The following ANK3 variants were observed in gnomAD, a reference collection of about 807,000 sequenced individuals.
ANK3 encodes ankyrin-3.
Under a neutral mutation model 370.9 loss-of-function variants are expected in ANK3, and 57 were observed. The ratio of observed to expected loss-of-function variants is 0.15; its 90% CI spans 0.12 to 0.19. The LOEUF (loss-of-function observed/expected upper bound fraction) is 0.19, where lower values mean the gene tolerates loss of function less well. ANK3 is among the 10% of genes least tolerant of loss of function. The pLI is 1.00. For missense variants in ANK3, 4,439 were observed against 5,302.1 expected (o/e 0.84, Z 5.06); for synonymous variants, 1,929 against 1,946.3 (o/e 0.99, Z 0.23).
At chr10:60,237,113 G>A (rs908023902) in intron 7 of ANK3, among the ~76,000 whole-genome samples, 2 of 152,234 alleles carry the variant, frequency 1.3e-5, no homozygotes, top group Non-Finnish European at 2.9e-5. Context: ...TATAGGCTGT[G>A]CCTTTGGGCA....
At chr10:60,259,587 G>A (rs1014213576) in intron 7 of ANK3, among the ~76,000 whole-genome samples, 1 of 152,178 alleles carries the variant, frequency 6.6e-6, no homozygotes, top group Non-Finnish European at 1.5e-5. Flanking sequence ...CACAGTCATT[G>A]TTTTAATGCA....
chr10:60,682,501 T>C (rs2079209855), intron 1 of ANK3, among the ~76,000 whole-genome samples: 1 of 152,110 alleles, frequency 6.6e-6, no homozygotes, highest in Admixed American at 6.5e-5. Context: ...TTTGTTATAA[T>C]ATTGGGTGTG....
chr10:60,314,224 C>T (rs116697678), intron 1 of ANK3, among the ~76,000 whole-genome samples: 3,630 of 152,228 alleles, frequency 0.024, 128 homozygotes, highest in African/African-American at 0.079. Context: ...TAGACAGAAA[C>T]GCATAATGCT....
chr10:60,342,257 TTTTA>T (rs1186372919), intron 1 of ANK3, among the ~76,000 whole-genome samples: 1 of 152,178 alleles, frequency 6.6e-6, no homozygotes, highest in African/African-American at 2.4e-5. Flanking sequence ...TAAAAAAAGT[TTTTA>T]TTTCAGTAGA....
At chr10:60,285,707 T>C (rs990329666) in intron 1 of ANK3, among the ~76,000 whole-genome samples, 1 of 152,144 alleles carries the variant, frequency 6.6e-6, no homozygotes, top group Non-Finnish European at 1.5e-5. Context: ...ATCCACGTAG[T>C]GCTCATCCTC....
intron 12 of ANK3, among the ~76,000 whole-genome samples, chr10:60,202,461 C>A: frequency 6.6e-6 from 1 of 152,200 alleles, no homozygotes; most frequent in Non-Finnish European, 1.5e-5. Context: ...AGTAGTAATG[C>A]ACCTGTAAGG....
chr10:60,381,155 T>C (rs2061496092), intron 1 of ANK3, among the ~76,000 whole-genome samples: 1 of 152,176 alleles, frequency 6.6e-6, no homozygotes, highest in Admixed American at 6.6e-5. Context: ...TTTTGTTCCT[T>C]CTACATAATC....
intron 2 of ANK3, among the ~76,000 whole-genome samples, chr10:60,607,509 A>G (rs1237151545): frequency 6.6e-6 from 1 of 152,216 alleles, no homozygotes; most frequent in Non-Finnish European, 1.5e-5. Context: ...TTTCCATTAA[A>G]GAGCAACATA....
At chr10:60,540,518 T>A (rs2076822251) in intron 2 of ANK3, among the ~76,000 whole-genome samples, 1 of 151,868 alleles carries the variant, frequency 6.6e-6, no homozygotes, top group South Asian at 2.1e-4. Flanking sequence ...CTGAGCTCCA[T>A]CTGGAAGCAC....
At chr10:60,280,380 TA>T (rs1256446146) in intron 1 of ANK3, among the ~76,000 whole-genome samples, 17 of 152,192 alleles carry the variant, frequency 1.1e-4, no homozygotes, top group African/African-American at 4.1e-4. Flanking sequence ...CTTAATAGTC[TA>T]ACAGATATTT....
upstream of ANK3, among the ~76,000 whole-genome samples, chr10:60,392,796 G>A (rs970101742): frequency 6.6e-6 from 1 of 152,018 alleles, no homozygotes; most frequent in Non-Finnish European, 1.5e-5. Context: ...GGGCGTGTTG[G>A]TGTGCACCTG....
In ANK3 at chr10:60,208,146, C is replaced by T; in HGVS notation, c.1084G>A (p.Asp362Asn). 6.2e-7 allele frequency: 1 copy of T among 1,614,108 alleles called. No homozygotes were observed. Among genetic ancestry groups the T allele is most frequent in the Middle Eastern group, 1.7e-4 (1 of 6,058 alleles). Residue 362 changes from aspartate (D) to asparagine (N), a missense_variant, in exon 10 of 44, where the codon GAT (aspartate) becomes AAT (asparagine). Asp to Asn is a conservative substitution (Grantham distance 23, BLOSUM62 1). Coordinates refer to ENST00000280772, the MANE Select transcript of ANK3 (RefSeq NM_020987.5). ...GCAGTCAGGTAGTCATTGGTGACATCATCCACGGGTACATTATGCTGGAGG... is the reference window on the plus strand; with the variant it reads ...GCAGTCAGGTAGTCATTGGTGACATTATCCACGGGTACATTATGCTGGAGG... ...LLLQHNVPVD[D>N]VTNDYLTALH...
chr10:60,525,537 C>G (rs2076448327), intron 2 of ANK3, among the ~76,000 whole-genome samples: 1 of 152,132 alleles, frequency 6.6e-6, no homozygotes, highest in South Asian at 2.1e-4. Flanking sequence ...TGAGAGCCTA[C>G]TATATGCGCT....
chr10:60,550,567 AG>A (rs2077067322), intron 2 of ANK3, among the ~76,000 whole-genome samples: 1 of 152,034 alleles, frequency 6.6e-6, no homozygotes, highest in Non-Finnish European at 1.5e-5. Context: ...TTTCATGACA[AG>A]GTATATTTCT....
chr10:60,049,315 G>T (rs773184956), intron 42 of ANK3, among the ~76,000 whole-genome samples: 2 of 152,160 alleles, frequency 1.3e-5, no homozygotes, highest in Non-Finnish European at 2.9e-5. Context: ...GGGTCTGGGC[G>T]CAGTGGCTCA....
intron 1 of ANK3, among the ~76,000 whole-genome samples, chr10:60,620,838 A>C (rs1290690084): frequency 6.6e-6 from 1 of 152,232 alleles, no homozygotes; most frequent in East Asian, 1.9e-4. Flanking sequence ...TCTAATAACA[A>C]GTAAAACAGC....
At chr10:60,232,074 C>A (rs1397689818) in intron 8 of ANK3, among the ~76,000 whole-genome samples, 1 of 152,136 alleles carries the variant, frequency 6.6e-6, no homozygotes, top group East Asian at 1.9e-4. Context: ...CTGGCCCTCC[C>A]CTGTGACCCT....
At chr10:60,732,066 C>A (rs572224750) in intron 1 of ANK3, among the ~76,000 whole-genome samples, 1 of 152,264 alleles carries the variant, frequency 6.6e-6, no homozygotes, top group South Asian at 2.1e-4. Context: ...AAGGGCAATT[C>A]TACATAACTT....
At chr10:60,620,879 C>A (rs1287773655) in intron 1 of ANK3, among the ~76,000 whole-genome samples, 1 of 152,052 alleles carries the variant, frequency 6.6e-6, no homozygotes, top group Non-Finnish European at 1.5e-5. Flanking sequence ...TTAATGTATG[C>A]ACAGCATAAG....
Sources: gnomAD v4.1 joint callset for allele counts (sites outside exome capture counted in the v4.1 genomes callset) on GRCh38, gnomAD v4.1.1 for gene constraint, MANE v1.5 for transcripts, NCBI Gene and HGNC (gene_info 2026-07-23, HGNC 2026-07-21) for gene names.